Variants in RAD23A observed in about 807,000 individuals in gnomAD.
The protein encoded by RAD23A is lysine-specific demethylase RAD23A.
In RAD23A, 16 loss-of-function variants were observed where a neutral mutation model predicts 44.8. The ratio of observed to expected loss-of-function variants is 0.36; its 90% CI spans 0.24 to 0.54. The LOEUF is 0.54. RAD23A is among the 20% of genes least tolerant of loss of function. The pLI is 0.89. For missense variants in RAD23A, 380 were observed against 483.3 expected (o/e 0.79, Z 2.00); for synonymous variants, 217 against 202.9 (o/e 1.07, Z -0.59).
rs1235897253 is a variant in RAD23A, at chr19:12,949,583, C to T, written c.813+175C>T. ...GTGACCCCCCTGGTTTCTCAGTCTTCCCAACCACCTTGTAAGGTGTGGGTG... is the reference window on the plus strand; with the variant it reads ...GTGACCCCCCTGGTTTCTCAGTCTTTCCAACCACCTTGTAAGGTGTGGGTG... On this transcript the variant is annotated intron_variant, in intron 7 of 8. Coordinates refer to ENST00000586534, the MANE Select transcript of RAD23A (RefSeq NM_005053.4). The T allele has an allele frequency of 7.6e-6, 6 of 790,086 alleles. No homozygotes were observed. The East Asian group carries it at 1.1e-4, about 14-fold the overall frequency. The allele number at this position is 790,086 out of a possible 1,614,324, so 48.9% of individuals were successfully genotyped here.
Position 12,947,940 on chromosome 19 carries a change from G to C in RAD23A, c.165G>C (p.Leu55Phe). The C allele has an allele frequency of 6.2e-7, 1 of 1,614,032 alleles. No individual in the cohort carries two copies. Among genetic ancestry groups the C allele is most frequent in the Non-Finnish European group, 8.5e-7 (1 of 1,180,030 alleles). The change falls in exon 2 of 9, where the codon TTG (leucine) becomes TTC (phenylalanine). Residue 55 changes from leucine (L) to phenylalanine (F), a missense_variant. Physicochemically the swap from Leu to Phe is conservative, Grantham distance 22. This residue lies in a region of RAD23A where 70 missense variants were observed against 106.0 expected (regional missense o/e 0.66). Coordinates refer to ENST00000586534, the MANE Select transcript of RAD23A (RefSeq NM_005053.4). ...AACTCATCTATGCCGGCAAGATCTT[G>C]AGTGACGATGTCCCTATCAGGGACT... ...GQKLIYAGKI[L>F]SDDVPIRDYR...
chr19:12,948,098 C>T lies in RAD23A; in HGVS notation c.235-79C>T. The T allele has an allele frequency of 3.1e-6, 5 of 1,607,722 alleles. No individual in the cohort carries two copies. Among genetic ancestry groups the T allele is most frequent in the Non-Finnish European group, 4.3e-6 (5 of 1,176,004 alleles). ...GTGCCCAGGAGAGATTAGCTGTGAACAGGGCGGGGCCACAGCGGAGCGGGT... is the reference window on the plus strand; with the variant it reads ...GTGCCCAGGAGAGATTAGCTGTGAATAGGGCGGGGCCACAGCGGAGCGGGT... On this transcript the variant is annotated intron_variant, in intron 2 of 8. Coordinates refer to ENST00000586534, the MANE Select transcript of RAD23A (RefSeq NM_005053.4). This position sits in a 1 kb window ranked among gnomAD's most constrained non-coding sequence, Gnocchi z 5.5.
At position 12,949,258 on chromosome 19, in the gene RAD23A, C is replaced by G. The variant is rs1171569783; in HGVS notation, c.680-17C>G. The G allele has an allele frequency of 3.1e-6, 5 of 1,613,868 alleles. No individual in the cohort carries two copies. Among genetic ancestry groups the G allele is most frequent in the Non-Finnish European group, 4.2e-6 (5 of 1,179,884 alleles). ...GAGCCCGGCGTGGTGTCTGACTGCACCCCTTCCTACTACCAGCAGGAGAGA... is the reference window on the plus strand; with the variant it reads ...GAGCCCGGCGTGGTGTCTGACTGCAGCCCTTCCTACTACCAGCAGGAGAGA... On this transcript the variant is annotated splice_polypyrimidine_tract_variant and intron_variant, in intron 6 of 8. Transcript: ENST00000586534.
intron 7 of RAD23A, 39 bp downstream of exon 7, chr19:12,949,447 A>T (rs1458315366): frequency 6.3e-7 from 1 of 1,598,970 alleles, no homozygotes; most frequent in Admixed American, 1.7e-5. Context: ...GGCAGCCACC[A>T]TTTCCCTTCC....
At chr19:12,949,201 TCA>T in intron 6 of RAD23A, 42 bp downstream of exon 6, 1 of 1,614,058 alleles carries the variant, frequency 6.2e-7, no homozygotes, top group Non-Finnish European at 8.5e-7. Context: ...GGTACCTGAC[TCA>T]CATTACACTC....
At chr19:12,950,575 G>A (rs1971783206) in intron 7 of RAD23A, among the ~76,000 whole-genome samples, 1 of 151,896 alleles carries the variant, frequency 6.6e-6, no homozygotes, top group Non-Finnish European at 1.5e-5. Context: ...CTAATTTTTT[G>A]TATTTTTAGT....
chr19:12,947,213 A>G (rs561022320), intron 1 of RAD23A, among the ~76,000 whole-genome samples: 7 of 152,022 alleles, frequency 4.6e-5, no homozygotes, highest in Non-Finnish European at 8.8e-5. Flanking sequence ...GCTTGAGGCC[A>G]GGAGTTTGAG....
rs747588545 is a variant in RAD23A at position 12,952,835 on chromosome 19, G to A, written c.960G>A (p.Glu320=). ...ACTACATCCAGGTGACGCCGCAGGA[G>A]AAAGAAGCTATAGAGAGGGTAAGAG... ...QMNYIQVTPQ[E]KEAIERLKAL... The change falls in exon 8 of 9, where the codon GAG becomes GAA. Residue 320 remains glutamate (E), a synonymous_variant. Coordinates refer to ENST00000586534, the MANE Select transcript of RAD23A (RefSeq NM_005053.4). 3 of 1,606,522 alleles carry A rather than the reference G, an allele frequency of 1.9e-6. No homozygotes were observed. The highest frequency in any genetic ancestry group is 1.7e-5 in the Admixed American group (1 of 58,884).
chr19:12,946,141 A>AC, intron 1 of RAD23A, 121 bp downstream of exon 1: 1 of 939,992 alleles, frequency 1.1e-6, no homozygotes, highest in Non-Finnish European at 1.5e-6. Context: ...CCCTGCCCAG[A>AC]CCCCCGACCT....
chr19:12,950,967 G>C (rs1231682465), intron 7 of RAD23A, among the ~76,000 whole-genome samples: 4 of 152,196 alleles, frequency 2.6e-5, no homozygotes, highest in African/African-American at 9.6e-5. Flanking sequence ...AGGAGGTGGA[G>C]GCAGGAGAAT....
At position 12,949,121 on chromosome 19, in the gene RAD23A, A is replaced by G. The variant is rs2146035943; in HGVS notation, c.641A>G (p.Gln214Arg). Residue 214 changes from glutamine to arginine, a missense_variant, in exon 6 of 9, where the codon CAG becomes CGG. By Grantham distance (43) the Gln-to-Arg change is conservative (BLOSUM62 1). Around this residue, in one of 3 missense-constraint regions of RAD23A, gnomAD observed 279 missense variants for 313.7 expected, o/e 0.89. Coordinates refer to ENST00000586534, the MANE Select transcript of RAD23A (RefSeq NM_005053.4). ...CCCGAGCCGGAACACGGTTCTGTCC[A>G]GGAGAGCCAGGTATCGGAGCAGCCG... ...GSPEPEHGSV[Q>R]ESQVSEQPAT... 4 of 1,613,894 alleles carry G rather than the reference A, an allele frequency of 2.5e-6. No individual in the cohort carries two copies. The highest frequency in any genetic ancestry group is 2.2e-5 in the East Asian group (1 of 44,874).
At chr19:12,951,273 G>A (rs1028107102) in intron 7 of RAD23A, among the ~76,000 whole-genome samples, 4 of 151,860 alleles carry the variant, frequency 2.6e-5, no homozygotes, top group Non-Finnish European at 5.9e-5. Context: ...CACCACACCC[G>A]GCCAAGTTCA....
Position 12,952,948 on chromosome 19 carries a change from G to T in RAD23A, c.991G>T (p.Gly331Cys). The change falls in exon 9 of 9, where the codon GGC (glycine) becomes TGC (cysteine). Residue 331 changes from glycine to cysteine, a missense_variant. Coordinates refer to ENST00000586534, the MANE Select transcript of RAD23A (RefSeq NM_005053.4). ...TATCTTCCCACAGTTGAAGGCCCTG[G>T]GCTTCCCAGAGAGCCTGGTCATCCA... ...KEAIERLKAL[G>C]FPESLVIQAY... is the part of the protein sequence containing the mutation. 6.2e-7 allele frequency: 1 copy of T among 1,613,912 alleles called. No individual in the cohort carries two copies. Among genetic ancestry groups the T allele is most frequent in the Non-Finnish European group, 8.5e-7 (1 of 1,179,938 alleles).
Position 12,949,373 on chromosome 19 carries a change from C to T in RAD23A, c.778C>T (p.Gln260Ter). The change falls in exon 7 of 9, where the codon CAG becomes TAG. Residue 260 changes from glutamine (Q) to a stop codon, truncating the protein, a stop_gained. Transcript: ENST00000586534. LOFTEE classifies it high-confidence loss of function. The stretch of plus-strand genomic sequence containing the variant: ...CCCTGCGCTGCTGCCCGCCCTGCTC[C>T]AGCAGCTGGGCCAGGAGAACCCTCA... ...QNPALLPALL[Q>*]QLGQENPQLL... 6.2e-7 allele frequency: 1 copy of T among 1,614,006 alleles called. No homozygotes were observed.
chr19:12,951,665 C>CA (rs1971815742), intron 7 of RAD23A, among the ~76,000 whole-genome samples: 2 of 152,242 alleles, frequency 1.3e-5, no homozygotes, highest in Middle Eastern at 3.4e-3. Flanking sequence ...AGGCTGCTCT[C>CA]AAACTCCTGA....
rs1380006373 is a variant in RAD23A at position 12,953,251 on chromosome 19, C to G, written c.*202C>G. ...ATCTCCCGGGCCAGACAGCTGTCCC[C>G]CCGTCCTCCTCCCCAGCCCAGCCTG... On this transcript the variant is annotated 3_prime_UTR_variant, in exon 9 of 9. Transcript: ENST00000586534. 2.4e-6 allele frequency: 1 copy of G among 423,402 alleles called. No homozygotes were observed. The highest frequency in any genetic ancestry group is 4.1e-6 in the Non-Finnish European group (1 of 244,876). 26.2% of individuals were successfully genotyped at this position (423,402 alleles called of 1,614,324 possible). A position where few individuals can be genotyped will look rare whatever the true frequency, so the allele number is the denominator to read the frequency against.
At chr19:12,951,925 T>TTTA (rs553202401) in intron 7 of RAD23A, among the ~76,000 whole-genome samples, 65 of 152,252 alleles carry the variant, frequency 4.3e-4, no homozygotes, top group Middle Eastern at 6.8e-3. Context: ...GTCTGGTTCA[T>TTTA]TTATTGGCTC....
At position 12,952,853 on chromosome 19, in the gene RAD23A, G is replaced by C; in HGVS notation, c.978G>C (p.Arg326Ser). 6.2e-7 allele frequency: 1 copy of C among 1,603,202 alleles called. No individual in the cohort carries two copies. The highest frequency in any genetic ancestry group is 8.5e-7 in the Non-Finnish European group (1 of 1,173,588). The change falls in exon 8 of 9, where the codon AGG becomes AGC. Residue 326 changes from arginine to serine, a missense_variant and splice_region_variant. This residue lies in a region of RAD23A where 31 missense variants were observed against 63.6 expected (regional missense o/e 0.49). Transcript: ENST00000586534. ...VTPQEKEAIERLKALGFPESL... is the reference protein window; with the variant it reads ...VTPQEKEAIESLKALGFPESL... ...CGCAGGAGAAAGAAGCTATAGAGAGGGTAAGAGGCCTGGCTGAGGGGTGAC... is the reference window on the plus strand; with the variant it reads ...CGCAGGAGAAAGAAGCTATAGAGAGCGTAAGAGGCCTGGCTGAGGGGTGAC...
intron 1 of RAD23A, among the ~76,000 whole-genome samples, chr19:12,947,612 C>G (rs918411853): frequency 6.6e-6 from 1 of 152,174 alleles, no homozygotes; most frequent in South Asian, 2.1e-4. Context: ...GTGCTGTGGC[C>G]TCTGTGTCTA....
Sources: gnomAD v4.1 joint callset for allele counts (sites outside exome capture counted in the v4.1 genomes callset) on GRCh38, gnomAD v4.1.1 for gene constraint, gnomAD v4.1.1 regional missense constraint, Gnocchi (gnomAD v3.1) non-coding constraint, MANE v1.5 for transcripts, NCBI Gene and HGNC (gene_info 2026-07-23, HGNC 2026-07-21) for gene names.